KCNMA1: variants seen among roughly 807,000 people sequenced by gnomAD.
The protein encoded by KCNMA1 is Calcium-activated potassium channel subunit alpha-1.
KCNMA1 carries 29 observed loss-of-function variants against 140.0 expected under a neutral mutation model. The observed-to-expected ratio is 0.21, with a 90% CI of 0.15 to 0.28. The LOEUF is 0.28. Ranked by LOEUF, KCNMA1 falls within the 10% of genes least tolerant of loss-of-function variation. The probability of loss-of-function intolerance (pLI) is 1.00; values close to 1 mark genes in which losing one functional copy is unlikely to be tolerated. For missense variants in KCNMA1, 880 were observed against 1,602.2 expected (o/e 0.55, Z 7.70); for synonymous variants, 612 against 611.9 (o/e 1.00, Z 0.00).
At chr10:77,399,603 G>T (rs1454956317) in intron 2 of KCNMA1, among the ~76,000 whole-genome samples, 2 of 152,132 alleles carry the variant, frequency 1.3e-5, no homozygotes, top group East Asian at 3.8e-4. Context: ...GCAAAGACAG[G>T]CTATTCTGAG....
chr10:77,531,049 T>C (rs764726271), intron 1 of KCNMA1, among the ~76,000 whole-genome samples: 1 of 152,150 alleles, frequency 6.6e-6, no homozygotes, highest in African/African-American at 2.4e-5. Flanking sequence ...GCAAACCTCT[T>C]AGGCCAAACA....
At chr10:76,974,415 C>A (rs2076904760) in intron 19 of KCNMA1, 9 of 912,766 alleles carry the variant, frequency 9.9e-6, no homozygotes, top group South Asian at 1.5e-5. Flanking sequence ...CTGAGCTCAG[C>A]ATGGTAAAGT....
chr10:77,413,091 C>CA (rs1202746975), intron 1 of KCNMA1, among the ~76,000 whole-genome samples: 1 of 152,122 alleles, frequency 6.6e-6, no homozygotes, highest in Non-Finnish European at 1.5e-5. Context: ...CTTCTGACCT[C>CA]AAGTGATCCA....
intron 14 of KCNMA1, among the ~76,000 whole-genome samples, chr10:77,052,013 GAGTGAT>G (rs756119012): frequency 1.8e-4 from 28 of 152,326 alleles, no homozygotes; most frequent in South Asian, 4.1e-4. Flanking sequence ...TATAAGTAAT[GAGTGAT>G]AGTGATAGTG....
chr10:77,028,804 C>T (rs182814229), intron 15 of KCNMA1, among the ~76,000 whole-genome samples: 12 of 152,112 alleles, frequency 7.9e-5, no homozygotes, highest in Admixed American at 4.6e-4. Flanking sequence ...ATAGACCCAC[C>T]GATACAGAGA....
At chr10:77,496,412 T>C (rs1215409106) in intron 1 of KCNMA1, among the ~76,000 whole-genome samples, 1 of 151,920 alleles carries the variant, frequency 6.6e-6, no homozygotes, top group Non-Finnish European at 1.5e-5. Context: ...CTGGCTAACA[T>C]GGTGAAACCC....
chr10:77,236,727 A>G (rs142563649), intron 3 of KCNMA1, among the ~76,000 whole-genome samples: 1 of 152,374 alleles, frequency 6.6e-6, no homozygotes, highest in African/African-American at 2.4e-5. Context: ...TATATATGTA[A>G]TGGAAACAAA....
chr10:77,579,304 G>C (rs2075162362), intron 1 of KCNMA1, among the ~76,000 whole-genome samples: 1 of 152,174 alleles, frequency 6.6e-6, no homozygotes, highest in African/African-American at 2.4e-5. Context: ...GTGACAAATG[G>C]CCACAGGTGT....
At chr10:77,627,049 C>G (rs1372882685) in intron 1 of KCNMA1, among the ~76,000 whole-genome samples, 1 of 152,002 alleles carries the variant, frequency 6.6e-6, no homozygotes, top group Non-Finnish European at 1.5e-5. Flanking sequence ...TCTTTCTGTT[C>G]AGCAAAATAG....
In KCNMA1 at chr10:77,041,647, C is replaced by T. The variant is rs538762232; in HGVS notation, c.1750-2010G>A. On this transcript the variant is annotated intron_variant, in intron 14 of 27. Coordinates refer to ENST00000286628, the MANE Select transcript of KCNMA1 (RefSeq NM_001161352.2). ...AGAAACTGGTGAATTACAAGGAGAACGTTGAGCCGCTATGGGAGCTTAGGG... is the reference window on the plus strand; with the variant it reads ...AGAAACTGGTGAATTACAAGGAGAATGTTGAGCCGCTATGGGAGCTTAGGG... Among the ~76,000 whole-genome samples, 124 of 152,268 alleles carry T rather than the reference C, an allele frequency of 8.1e-4. 3 individuals are homozygous for T. The South Asian group carries it at 0.023, about 29-fold the overall frequency.
intron 1 of KCNMA1, among the ~76,000 whole-genome samples, chr10:77,530,533 T>C (rs1240410551): frequency 6.6e-6 from 1 of 152,212 alleles, no homozygotes; most frequent in Non-Finnish European, 1.5e-5. Context: ...TTAGTGCAAG[T>C]CACGCCTAGA....
intron 1 of KCNMA1, among the ~76,000 whole-genome samples, chr10:77,556,554 T>C (rs571671377): frequency 7.0e-6 from 1 of 143,472 alleles, no homozygotes; most frequent in South Asian, 2.3e-4. Flanking sequence ...TAAAGTGCAG[T>C]CTATGGAAGT....
chr10:77,406,240 G>A (rs1182366644), intron 1 of KCNMA1, among the ~76,000 whole-genome samples: 1 of 152,130 alleles, frequency 6.6e-6, no homozygotes, highest in Non-Finnish European at 1.5e-5. Context: ...AGGATGGGGA[G>A]GCCCTGATAC....
At chr10:77,193,702 G>A (rs989188351) in intron 3 of KCNMA1, among the ~76,000 whole-genome samples, 1 of 152,066 alleles carries the variant, frequency 6.6e-6, no homozygotes, top group African/African-American at 2.4e-5. Context: ...ACAAATATAT[G>A]CTCTCCATCC....
chr10:77,554,597 C>CAAAAAAAAAAAA (rs59754706), intron 1 of KCNMA1, among the ~76,000 whole-genome samples: 15 of 84,058 alleles, frequency 1.8e-4, no homozygotes, highest in Non-Finnish European at 2.6e-4. Context: ...TACTCCATCT[C>CAAAAAAAAAAAA]AAAAAAAAAA....
At chr10:77,553,180 G>A (rs1028641076) in intron 1 of KCNMA1, among the ~76,000 whole-genome samples, 2 of 152,226 alleles carry the variant, frequency 1.3e-5, no homozygotes, top group African/African-American at 4.8e-5. Context: ...GATATTCTCA[G>A]TATCATTCCT....
chr10:77,115,187 T>C (rs1357541161), intron 6 of KCNMA1, among the ~76,000 whole-genome samples: 1 of 152,208 alleles, frequency 6.6e-6, no homozygotes, highest in Admixed American at 6.5e-5. Context: ...ATGGAAAGAA[T>C]AAACAGATTC....
chr10:76,870,778 C>T (rs897905305), exon 28 of KCNMA1: 3 of 152,332 alleles, frequency 2.0e-5, no homozygotes, highest in Admixed American at 2.0e-4. Flanking sequence ...CACAGTGATA[C>T]ATAGTGGCCG....
At chr10:77,581,571 C>A (rs937522995) in intron 1 of KCNMA1, among the ~76,000 whole-genome samples, 1 of 152,236 alleles carries the variant, frequency 6.6e-6, no homozygotes, top group Non-Finnish European at 1.5e-5. Context: ...TCCCAAAGTG[C>A]TGGGATTACA....
Sources: gnomAD v4.1 joint callset for allele counts (sites outside exome capture counted in the v4.1 genomes callset) on GRCh38, gnomAD v4.1.1 for gene constraint, MANE v1.5 for transcripts, NCBI Gene and HGNC (gene_info 2026-07-23, HGNC 2026-07-21) for gene names.